Variants in SIN3A observed in about 807,000 individuals in gnomAD.
SIN3A encodes SIN3 transcription regulator family member A.
In SIN3A, 14 loss-of-function variants were observed where a neutral mutation model predicts 146.1. The observed-to-expected ratio is 0.10, with a 90% confidence interval of 0.06 to 0.15. SIN3A has a LOEUF of 0.15. Among genes scored for constraint, SIN3A ranks in the 10% least tolerant of loss-of-function variants. The probability of loss-of-function intolerance (pLI) is 1.00; values close to 1 mark genes in which losing one functional copy is unlikely to be tolerated. For missense variants in SIN3A, 1,028 were observed against 1,576.0 expected (o/e 0.65, Z 5.89); for synonymous variants, 572 against 572.0 (o/e 1.00, Z 0.00).
At chr15:75,440,512 G>GT (rs1320063552) in intron 1 of SIN3A, among the ~76,000 whole-genome samples, 1 of 152,096 alleles carries the variant, frequency 6.6e-6, no homozygotes, top group East Asian at 1.9e-4. Context: ...GATTACAGGT[G>GT]TGAGCCACCA....
rs1567442974 is a variant in SIN3A at position 75,451,577 on chromosome 15, C to T, written c.-188G>A. ...ACGAAGCGGTCACAGGCTCCGGTGC[C>T]CAGACTGGGAAGGAGGGAGGGAGGG... On this transcript the variant is annotated 5_prime_UTR_variant, in exon 1 of 21. Transcript: ENST00000394947. The T allele has an allele frequency of 1.4e-5, 2 of 146,440 alleles. No individual in the cohort carries two copies. The highest frequency in any genetic ancestry group is 3.0e-5 in the Non-Finnish European group (2 of 66,528). The allele number at this position is 146,440 out of a possible 1,614,324, so 9.1% of individuals were successfully genotyped here.
At chr15:75,412,180 A>G (rs1595908048) in intron 5 of SIN3A, among the ~76,000 whole-genome samples, 1 of 152,210 alleles carries the variant, frequency 6.6e-6, no homozygotes, top group Non-Finnish European at 1.5e-5. Context: ...CTTTATTTGC[A>G]CTGTCTTATA....
intron 2 of SIN3A, among the ~76,000 whole-genome samples, chr15:75,426,316 G>A (rs1277105378): frequency 2.0e-5 from 3 of 152,194 alleles, no homozygotes; most frequent in East Asian, 3.8e-4. Context: ...CTGAGGAAGA[G>A]TGACACCTAA....
At chr15:75,390,814 G>A (rs2073186482) in intron 15 of SIN3A, among the ~76,000 whole-genome samples, 1 of 152,174 alleles carries the variant, frequency 6.6e-6, no homozygotes, top group Admixed American at 6.6e-5. Flanking sequence ...GGCCTCAAGT[G>A]ATCCTCCCAC....
At chr15:75,378,188 G>A (rs1014758597) in intron 19 of SIN3A, among the ~76,000 whole-genome samples, 15 of 152,194 alleles carry the variant, frequency 9.9e-5, no homozygotes, top group African/African-American at 3.4e-4. Context: ...ATTCATTCAT[G>A]ATACAAAATA....
At position 75,395,392 on chromosome 15, in the gene SIN3A, G is replaced by A. The variant is rs560666515; in HGVS notation, c.2094-529C>T. Among the ~76,000 whole-genome samples, 32 of 152,280 alleles carry A rather than the reference G, an allele frequency of 2.1e-4. No individual in the cohort carries two copies. The Middle Eastern group carries it at 0.01, about 49-fold the overall frequency. On this transcript the variant is annotated intron_variant, in intron 13 of 20. Transcript: ENST00000394947. ...AAAAGCCAGAAGTTAAATGCTACAG[G>A]CAAGAAGAAGAAACCATCAATCTGT... is the stretch of plus-strand genomic sequence containing the variant.
intron 17 of SIN3A, among the ~76,000 whole-genome samples, chr15:75,383,314 A>G (rs1276013180): frequency 2.6e-5 from 4 of 152,030 alleles, no homozygotes; most frequent in Non-Finnish European, 4.4e-5. Context: ...TGTCCAGTAT[A>G]AACTCTTTCA....
At chr15:75,450,685 G>A (rs982274738) in intron 1 of SIN3A, among the ~76,000 whole-genome samples, 29 of 152,334 alleles carry the variant, frequency 1.9e-4, no homozygotes, top group African/African-American at 6.5e-4. Context: ...GTGCCCCCAG[G>A]CAGAAGGCAT....
chr15:75,411,447 T>A (rs2073637244), intron 6 of SIN3A, 45 bp downstream of exon 6: 1 of 1,574,336 alleles, frequency 6.4e-7, no homozygotes, highest in African/African-American at 1.3e-5. Context: ...CTAGATGCCC[T>A]AAGAGGGTGA....
chr15:75,403,288 G>C (rs996404074), intron 9 of SIN3A, among the ~76,000 whole-genome samples: 13 of 151,762 alleles, frequency 8.6e-5, no homozygotes, highest in African/African-American at 3.1e-4. Context: ...AAATTAGCTA[G>C]GCGTGGTGGT....
At chr15:75,434,403 G>C (rs991070426) in intron 1 of SIN3A, among the ~76,000 whole-genome samples, 1 of 151,270 alleles carries the variant, frequency 6.6e-6, no homozygotes, top group Non-Finnish European at 1.5e-5. Flanking sequence ...TAATCCCAGC[G>C]CTTTGGGAGG....
chr15:75,441,532 G>A (rs955340149), intron 1 of SIN3A, among the ~76,000 whole-genome samples: 6 of 151,990 alleles, frequency 3.9e-5, no homozygotes, highest in African/African-American at 7.2e-5. Flanking sequence ...GGCCACAAGC[G>A]ATCCTCCTGC....
chr15:75,446,855 TCCACCTC>T (rs1254184981), intron 1 of SIN3A, among the ~76,000 whole-genome samples: 1 of 152,044 alleles, frequency 6.6e-6, no homozygotes, highest in African/African-American at 2.4e-5. Context: ...CACTGCAAGC[TCCACCTC>T]CCGGGTTCAC....
At chr15:75,386,346 T>TA in intron 16 of SIN3A, among the ~76,000 whole-genome samples, 1 of 152,304 alleles carries the variant, frequency 6.6e-6, no homozygotes, top group South Asian at 2.1e-4. Flanking sequence ...CTTGTTGAAG[T>TA]AGACTGTATT....
chr15:75,414,162 A>G, intron 4 of SIN3A, 43 bp downstream of exon 4: 1 of 1,014,252 alleles, frequency 9.9e-7, no homozygotes, highest in East Asian at 2.6e-5. Flanking sequence ...TCCAAAATCA[A>G]TATGCCAGAT....
intron 17 of SIN3A, among the ~76,000 whole-genome samples, chr15:75,383,310 G>C (rs1426361770): frequency 6.6e-6 from 1 of 151,320 alleles, no homozygotes; most frequent in Non-Finnish European, 1.5e-5. Context: ...ATTTTGTCCA[G>C]TATAAACTCT....
At chr15:75,393,976 T>C (rs2073256895) in intron 14 of SIN3A, among the ~76,000 whole-genome samples, 1 of 151,882 alleles carries the variant, frequency 6.6e-6, no homozygotes, top group Non-Finnish European at 1.5e-5. Flanking sequence ...CCTGGCTAAT[T>C]TTTGTATTTT....
chr15:75,432,685 C>CA (rs71440236), intron 1 of SIN3A, among the ~76,000 whole-genome samples: 49,976 of 84,698 alleles, frequency 0.59, 13,822 homozygotes, highest in African/African-American at 0.69. Context: ...GACTCTGTCT[C>CA]AAAAAAAAAA....
chr15:75,430,075 C>T (rs1451557442), intron 2 of SIN3A, 112 bp downstream of exon 2: 2 of 756,352 alleles, frequency 2.6e-6, no homozygotes, highest in East Asian at 2.7e-5. Flanking sequence ...TTTTACCTTA[C>T]ACATACTCAA....
Sources: gnomAD v4.1 joint callset for allele counts (sites outside exome capture counted in the v4.1 genomes callset) on GRCh38, gnomAD v4.1.1 for gene constraint, MANE v1.5 for transcripts, NCBI Gene and HGNC (gene_info 2026-07-23, HGNC 2026-07-21) for gene names.